The following ANO3 variants were observed in gnomAD, a reference collection of about 807,000 sequenced individuals.
ANO3 encodes the protein anoctamin 3, also known as anoctamin-3.
In ANO3, 99 loss-of-function variants were observed where a neutral mutation model predicts 144.8. That is an observed-to-expected ratio of 0.68 (90% confidence interval 0.58 to 0.81). The LOEUF (loss-of-function observed/expected upper bound fraction) is 0.81. Among genes scored for constraint, ANO3 ranks in the 30% least tolerant of loss-of-function variants. The probability of loss-of-function intolerance (pLI) is 0.00; values close to 1 mark genes in which losing one functional copy is unlikely to be tolerated. For missense variants in ANO3, 905 were observed against 1,202.2 expected, an observed-to-expected ratio of 0.75 and a Z score of 3.66; for synonymous variants, 414 against 392.6, an observed-to-expected ratio of 1.05 and a Z score of -0.64.
rs1467275959 is a variant in ANO3 at position 26,463,120 on chromosome 11, A to T, written c.404A>T (p.Lys135Ile). Residue 135 changes from lysine (K) to isoleucine (I), a missense_variant, in exon 4 of 27, where the codon AAA (lysine) becomes ATA (isoleucine). Transcript: ENST00000256737. ...RLINDFVIKD[K>I]SEFKTKLSKN... is the part of the protein sequence containing the mutation. ...ATTAATGACTTTGTTATCAAAGATA[A>T]ATCTGAATTCAAGACAAAATTATCT... 1 of 1,587,276 alleles carries T rather than the reference A, an allele frequency of 6.3e-7. No homozygotes were observed. Among genetic ancestry groups the T allele is most frequent in the Non-Finnish European group, 8.6e-7 (1 of 1,165,276 alleles).
intron 1 of ANO3, among the ~76,000 whole-genome samples, chr11:26,315,686 C>CTATCTATCCATCT (rs1564961787): frequency 4.6e-5 from 5 of 108,228 alleles, no homozygotes; most frequent in African/African-American, 1.4e-4. Flanking sequence ...TCTATCTATC[C>CTATCTATCCATCT]ATCTATCTAT....
intron 1 of ANO3, among the ~76,000 whole-genome samples, chr11:26,292,959 G>T (rs1853994172): frequency 6.6e-6 from 1 of 152,108 alleles, no homozygotes; most frequent in Admixed American, 6.5e-5. Flanking sequence ...TCTCTTCAAA[G>T]CTCAGTTGGA....
intron 8 of ANO3, among the ~76,000 whole-genome samples, chr11:26,531,757 A>C (rs1009985451): frequency 1.3e-5 from 2 of 152,192 alleles, no homozygotes; most frequent in African/African-American, 4.8e-5. Flanking sequence ...TAAGCTATCT[A>C]TTTTAGTTCA....
chr11:26,636,359 T>C (rs541862390), intron 20 of ANO3, among the ~76,000 whole-genome samples: 4 of 152,350 alleles, frequency 2.6e-5, no homozygotes, highest in South Asian at 4.1e-4. Flanking sequence ...GTGAACTGGC[T>C]AAGCTAGACT....
chr11:26,441,547 A>G (rs957341817), intron 1 of ANO3, among the ~76,000 whole-genome samples: 3 of 152,186 alleles, frequency 2.0e-5, no homozygotes, highest in African/African-American at 7.2e-5. Flanking sequence ...TTCAATGGTT[A>G]TATATTAGGT....
intron 1 of ANO3, among the ~76,000 whole-genome samples, chr11:26,230,262 G>A (rs527702168): frequency 1.3e-5 from 2 of 152,172 alleles, no homozygotes; most frequent in Non-Finnish European, 2.9e-5. Context: ...ATAGTGAGAA[G>A]TGGCAGGAAC....
chr11:26,431,867 C>T (rs1858103396), intron 1 of ANO3, among the ~76,000 whole-genome samples: 1 of 152,158 alleles, frequency 6.6e-6, no homozygotes. Context: ...AAAGAACATT[C>T]ACGTGCATGT....
At chr11:26,261,357 C>T (rs1470408433) in intron 1 of ANO3, among the ~76,000 whole-genome samples, 1 of 152,118 alleles carries the variant, frequency 6.6e-6, no homozygotes, top group East Asian at 1.9e-4. Flanking sequence ...TGATCCTTAC[C>T]ATTCCAATGT....
At chr11:26,454,835 G>A (rs558096308) in intron 3 of ANO3, among the ~76,000 whole-genome samples, 1 of 151,912 alleles carries the variant, frequency 6.6e-6, no homozygotes, top group South Asian at 2.1e-4. Flanking sequence ...TAAAGTACTG[G>A]CAAACTGAAT....
chr11:26,632,275 C>T (rs1590656336), intron 18 of ANO3, among the ~76,000 whole-genome samples: 1 of 150,874 alleles, frequency 6.6e-6, no homozygotes, highest in Non-Finnish European at 1.5e-5. Context: ...AGACTGGATG[C>T]GGTGAGTCAC....
rs978375466 is a variant in ANO3, at chr11:26,213,203, T to C, written c.154+23873T>C. Among the ~76,000 whole-genome samples the C allele has an allele frequency of 7.2e-5, 11 of 152,258 alleles. No individual in the cohort carries two copies. The South Asian group carries it at 1.7e-3, about 23-fold the overall frequency. ...ACTAAATGGGCACAAGCTGGAAACATTACCTTTGAAAACAGGCACAAGACA... is the reference window on the plus strand; with the variant it reads ...ACTAAATGGGCACAAGCTGGAAACACTACCTTTGAAAACAGGCACAAGACA... On this transcript the variant is annotated intron_variant, in intron 1 of 27. Coordinates refer to the ANO3 transcript ENST00000672621.
chr11:26,341,040 CCTTCT>C (rs996937067), intron 1 of ANO3, among the ~76,000 whole-genome samples: 1 of 151,920 alleles, frequency 6.6e-6, no homozygotes, highest in African/African-American at 2.4e-5. Flanking sequence ...AAGTTAGTTT[CCTTCT>C]CTTCTCTTTT....
chr11:26,555,801 A>T (rs1021432912), intron 13 of ANO3, among the ~76,000 whole-genome samples: 2 of 152,202 alleles, frequency 1.3e-5, no homozygotes, highest in African/African-American at 2.4e-5. Flanking sequence ...CTAATAATTT[A>T]TTGATGGGTA....
intron 1 of ANO3, among the ~76,000 whole-genome samples, chr11:26,195,827 T>C (rs1319652188): frequency 1.3e-5 from 2 of 152,184 alleles, no homozygotes; most frequent in East Asian, 3.8e-4. Flanking sequence ...TTTTAGAACT[T>C]GTGCAAGTTA....
intron 3 of ANO3, among the ~76,000 whole-genome samples, chr11:26,461,500 T>C (rs956289990): frequency 6.6e-6 from 1 of 152,078 alleles, no homozygotes; most frequent in South Asian, 2.1e-4. Context: ...CCACAAGACA[T>C]ACTTAATATT....
intron 1 of ANO3, among the ~76,000 whole-genome samples, chr11:26,221,319 T>C (rs972954405): frequency 2.6e-5 from 4 of 152,210 alleles, no homozygotes; most frequent in African/African-American, 9.6e-5. Flanking sequence ...TCCACTTGTG[T>C]ACACTGTGGC....
At chr11:26,344,459 G>A (rs1590277816) in intron 1 of ANO3, among the ~76,000 whole-genome samples, 1 of 147,826 alleles carries the variant, frequency 6.8e-6, no homozygotes, top group African/African-American at 2.5e-5. Flanking sequence ...TCTGCCTCCC[G>A]GGTTCACGTC....
intron 1 of ANO3, among the ~76,000 whole-genome samples, chr11:26,296,147 T>TCTTGTGTTG (rs1177850142): frequency 6.6e-6 from 1 of 152,254 alleles, no homozygotes; most frequent in East Asian, 1.9e-4. Context: ...TTGCATTTTC[T>TCTTGTGTTG]CTTGTGTTGG....
chr11:26,362,579 TACATGAACAA>T (rs1564983091), intron 1 of ANO3, among the ~76,000 whole-genome samples: 2 of 152,176 alleles, frequency 1.3e-5, no homozygotes. Context: ...TGATTTTCAA[TACATGAACAA>T]ATTGTGCTCC....
Sources: gnomAD v4.1 joint callset for allele counts (sites outside exome capture counted in the v4.1 genomes callset) on GRCh38, gnomAD v4.1.1 for gene constraint, MANE v1.5 for transcripts, NCBI Gene and HGNC (gene_info 2026-07-23, HGNC 2026-07-21) for gene names.